Variants in SPINK4 observed in about 807,000 individuals in gnomAD.
SPINK4 encodes the protein serine peptidase inhibitor Kazal type 4, also known as serine protease inhibitor Kazal-type 4.
A neutral mutation model predicts 12.3 loss-of-function variants in SPINK4; 10 were observed. The ratio of observed to expected loss-of-function variants is 0.81; its 90% CI spans 0.50 to 1.37. The LOEUF is 1.37. Ranked by LOEUF, SPINK4 falls within the 40% of genes most tolerant of loss-of-function variation. SPINK4 has a pLI of 0.00. For missense variants in SPINK4, 91 were observed against 109.0 expected, an observed-to-expected ratio of 0.84 and a Z score of 0.73; for synonymous variants, 37 against 40.2, an observed-to-expected ratio of 0.92 and a Z score of 0.30.
chr9:33,243,707 T>C (rs1820261030), intron 1 of SPINK4, among the ~76,000 whole-genome samples: 1 of 152,132 alleles, frequency 6.6e-6, no homozygotes, highest in Non-Finnish European at 1.5e-5. Flanking sequence ...TTTGGGCAAT[T>C]TGACATGGAA....
intron 2 of SPINK4, among the ~76,000 whole-genome samples, chr9:33,246,227 G>A (rs889384853): frequency 1.5e-5 from 2 of 136,724 alleles, no homozygotes; most frequent in Non-Finnish European, 3.0e-5. Flanking sequence ...CGTATCCTGG[G>A]GTCTTCAATG....
intron 1 of SPINK4, among the ~76,000 whole-genome samples, chr9:33,242,081 T>C (rs989296093): frequency 2.6e-5 from 4 of 152,192 alleles, no homozygotes; most frequent in African/African-American, 7.2e-5. Flanking sequence ...AGTTTCACCA[T>C]GTTGGCCAGG....
In SPINK4 at chr9:33,246,521, C is replaced by T. The variant is rs146831042; in HGVS notation, c.103-95C>T. The stretch of plus-strand genomic sequence containing the variant: ...ACTGGGGGCCTTCTTGACTCTGATA[C>T]CTCACTGGGGCCCCACTGGTTCCGA... On this transcript the variant is annotated intron_variant, in intron 2 of 3. Transcript: ENST00000379721. 289 of 987,910 alleles carry T rather than the reference C, an allele frequency of 2.9e-4. 2 individuals carry two copies. In the African/African-American group the frequency reaches 3.5e-3, roughly 12 times the overall value. 61.2% of individuals were successfully genotyped at this position (987,910 alleles called of 1,614,324 possible).
At chr9:33,244,846 C>T (rs1402570478) in intron 1 of SPINK4, among the ~76,000 whole-genome samples, 1 of 152,174 alleles carries the variant, frequency 6.6e-6, no homozygotes, top group Non-Finnish European at 1.5e-5. Flanking sequence ...TTATATGGGA[C>T]ACAACAATTC....
intron 1 of SPINK4, among the ~76,000 whole-genome samples, chr9:33,242,159 T>C (rs1002992611): frequency 3.3e-5 from 5 of 152,216 alleles, no homozygotes; most frequent in Admixed American, 3.3e-4. Flanking sequence ...ATTACACCAA[T>C]GCACTTTAGT....
intron 2 of SPINK4, 80 bp downstream of exon 2, chr9:33,245,232 T>C: frequency 6.8e-7 from 1 of 1,469,508 alleles, no homozygotes; most frequent in African/African-American, 1.4e-5. Flanking sequence ...CAGTTATTCT[T>C]CTCCACGATC....
intron 1 of SPINK4, 54 bp downstream of exon 1, chr9:33,240,323 G>C: frequency 6.5e-7 from 1 of 1,527,286 alleles, no homozygotes. Context: ...GGTGAGCTTG[G>C]GGTGAGAGCA....
At chr9:33,248,334 AG>A in intron 3 of SPINK4, 91 bp from the exon 4 acceptor site, 2 of 1,373,494 alleles carry the variant, frequency 1.5e-6, no homozygotes, top group East Asian at 4.6e-5. Flanking sequence ...GGCGACGCTC[AG>A]CAGGATGTCT....
intron 1 of SPINK4, among the ~76,000 whole-genome samples, chr9:33,243,941 A>G (rs1820262835): frequency 6.6e-6 from 1 of 152,066 alleles, no homozygotes; most frequent in African/African-American, 2.4e-5. Flanking sequence ...ACTGTGGCAT[A>G]GCTCCCACTG....
intron 3 of SPINK4, among the ~76,000 whole-genome samples, chr9:33,247,227 T>G (rs190019517): frequency 6.6e-6 from 1 of 151,104 alleles, no homozygotes; most frequent in Non-Finnish European, 1.5e-5. Flanking sequence ...GGCACGATCT[T>G]GGCTCATTGC....
At chr9:33,244,174 A>C (rs1278207745) in intron 1 of SPINK4, among the ~76,000 whole-genome samples, 1 of 152,100 alleles carries the variant, frequency 6.6e-6, no homozygotes, top group Non-Finnish European at 1.5e-5. Flanking sequence ...TCCACCCATC[A>C]TGCTTGTCAG....
At chr9:33,245,808 T>C (rs1003929669) in intron 2 of SPINK4, among the ~76,000 whole-genome samples, 3 of 152,250 alleles carry the variant, frequency 2.0e-5, no homozygotes, top group Non-Finnish European at 2.9e-5. Flanking sequence ...ATAGTTTACA[T>C]ACATTATTTC....
intron 2 of SPINK4, 109 bp downstream of exon 2, chr9:33,245,261 T>C: frequency 7.9e-7 from 1 of 1,261,278 alleles, no homozygotes; most frequent in Non-Finnish European, 1.1e-6. Flanking sequence ...ACACCTTCAA[T>C]GGCTCCAAGG....
chr9:33,244,461 A>G (rs988630565), intron 1 of SPINK4, among the ~76,000 whole-genome samples: 3 of 152,194 alleles, frequency 2.0e-5, no homozygotes, highest in Admixed American at 2.0e-4. Flanking sequence ...GTTGACTTCC[A>G]TGCAGCACAA....
At position 33,245,143 on chromosome 9, in the gene SPINK4, C is replaced by G; in HGVS notation, c.93C>G (p.Phe31Leu). The change falls in exon 2 of 4, where the codon TTC becomes TTG. Residue 31 changes from phenylalanine to leucine, a missense_variant. Coordinates refer to ENST00000379721, the MANE Select transcript of SPINK4 (RefSeq NM_014471.3). ...CAGTGGCAGCAGGAAAGCTCCCTTT[C>G]TCAAGAATGGTAAGGCAGCTGCGTG... ...EVPVAAGKLP[F>L]SRMPICEHMV... 5 of 1,613,798 alleles carry G rather than the reference C, an allele frequency of 3.1e-6. No individual in the cohort carries two copies. Among genetic ancestry groups the G allele is most frequent in the Non-Finnish European group, 4.2e-6 (5 of 1,179,864 alleles).
At chr9:33,240,502 T>G (rs908528215) in intron 1 of SPINK4, among the ~76,000 whole-genome samples, 1 of 152,232 alleles carries the variant, frequency 6.6e-6, no homozygotes, top group Non-Finnish European at 1.5e-5. Flanking sequence ...TCTTGGGGCC[T>G]CAGTTTCTCC....
At position 33,240,233 on chromosome 9, in the gene SPINK4, G is replaced by A. The variant is rs200902701; in HGVS notation, c.25G>A (p.Ala9Thr). The A allele has an allele frequency of 6.1e-5, 98 of 1,606,176 alleles. No individual in the cohort carries two copies. The highest frequency in any genetic ancestry group is 1.7e-4 in the Middle Eastern group (1 of 6,052). The change falls in exon 1 of 4, where the codon GCC becomes ACC. Residue 9 changes from alanine to threonine, a missense_variant. Transcript: ENST00000379721. ...CATGGCCGTCCGCCAGTGGGTAATCGCCCTGGCCTTGGCTGCCCTCCTTGT... is the reference window on the plus strand; with the variant it reads ...CATGGCCGTCCGCCAGTGGGTAATCACCCTGGCCTTGGCTGCCCTCCTTGT... Reference protein sequence around the residue: MAVRQWVIALALAALLVVD... With the variant: MAVRQWVITLALAALLVVD...
At chr9:33,240,325 G>A (rs1820220070) in intron 1 of SPINK4, 56 bp downstream of exon 1, 14 of 1,523,712 alleles carry the variant, frequency 9.2e-6, no homozygotes, top group Non-Finnish European at 3.5e-6. Context: ...TGAGCTTGGG[G>A]TGAGAGCAGA....
In SPINK4 at chr9:33,248,503, CAGCTGG is replaced by C; in HGVS notation, c.*35_*40del. ...AGGAGCACCTCAAGCCATGAAGTGT[CAGCTGG>C]AGAACAGTGGTGGGCATGGAGAGGA... On this transcript the variant is annotated 3_prime_UTR_variant, in exon 4 of 4. Coordinates refer to ENST00000379721, the MANE Select transcript of SPINK4 (RefSeq NM_014471.3). 1.2e-6 allele frequency: 2 copies of C among 1,613,094 alleles called. No homozygotes were observed. Among genetic ancestry groups the C allele is most frequent in the Non-Finnish European group, 1.7e-6 (2 of 1,179,516 alleles).
Sources: gnomAD v4.1 joint callset for allele counts (sites outside exome capture counted in the v4.1 genomes callset) on GRCh38, gnomAD v4.1.1 for gene constraint, MANE v1.5 for transcripts, NCBI Gene and HGNC (gene_info 2026-07-23, HGNC 2026-07-21) for gene names.